CNTNAP2: variants seen among roughly 807,000 people sequenced by gnomAD.
CNTNAP2 encodes the protein contactin associated protein 2.
In CNTNAP2, 98 loss-of-function variants were observed where a neutral mutation model predicts 155.2. That is an observed-to-expected ratio of 0.63 (90% CI 0.54 to 0.75). CNTNAP2 has a LOEUF of 0.75. Among genes scored for constraint, CNTNAP2 ranks in the 30% least tolerant of loss-of-function variants. CNTNAP2 has a pLI of 0.00. For missense variants in CNTNAP2, 1,727 were observed against 1,688.1 expected, an observed-to-expected ratio of 1.02 and a Z score of -0.40; for synonymous variants, 651 against 631.2, an observed-to-expected ratio of 1.03 and a Z score of -0.47.
At position 148,386,782 on chromosome 7, in the gene CNTNAP2, G is replaced by T. The variant is rs899833566; in HGVS notation, c.3715+2894G>T. Among the ~76,000 whole-genome samples, 5 of 152,138 alleles carry T rather than the reference G, an allele frequency of 3.3e-5. No individual in the cohort carries two copies. The South Asian group carries it at 1.0e-3, about 31-fold the overall frequency. The stretch of plus-strand genomic sequence containing the variant: ...AAGCTGATAAAAGACAGATTAACAG[G>T]TGGGCAGGGGGACCTTATTTATATG... On this transcript the variant is annotated intron_variant, in intron 22 of 23. Coordinates refer to ENST00000361727, the MANE Select transcript of CNTNAP2 (RefSeq NM_014141.6).
chr7:148,382,978 G>T (rs1163823027), intron 21 of CNTNAP2, among the ~76,000 whole-genome samples: 1 of 152,228 alleles, frequency 6.6e-6, no homozygotes, highest in Non-Finnish European at 1.5e-5. Context: ...AGCTGAGTTA[G>T]TTTGGGAAGA....
At chr7:146,789,465 G>T (rs372667951) in intron 2 of CNTNAP2, among the ~76,000 whole-genome samples, 45 of 152,158 alleles carry the variant, frequency 3.0e-4, no homozygotes, top group African/African-American at 1.1e-3. Context: ...GAAAGTAAAA[G>T]AAGTTATTTT....
intron 8 of CNTNAP2, among the ~76,000 whole-genome samples, chr7:147,201,086 T>G (rs1485035257): frequency 6.6e-6 from 1 of 152,194 alleles, no homozygotes; most frequent in Non-Finnish European, 1.5e-5. Flanking sequence ...AAAGCCTAAT[T>G]CTAACATGAT....
chr7:147,250,967 T>C lies in CNTNAP2; in HGVS notation c.1349-49174T>C, dbSNP rs1584820137. Reference sequence around the variant, plus strand: ...GGTTGCTTTGTTCCTGTTTGTTTTATAGAGCTTTTCTTTATAGAGCACCCT... The same window carrying C: ...GGTTGCTTTGTTCCTGTTTGTTTTACAGAGCTTTTCTTTATAGAGCACCCT... On this transcript the variant is annotated intron_variant, in intron 8 of 23. Coordinates refer to ENST00000361727, the MANE Select transcript of CNTNAP2 (RefSeq NM_014141.6). Among the ~76,000 whole-genome samples the C allele has an allele frequency of 4.6e-5, 7 of 152,172 alleles. No individual in the cohort carries two copies. The South Asian group carries it at 1.4e-3, about 32-fold the overall frequency.
intron 1 of CNTNAP2, among the ~76,000 whole-genome samples, chr7:146,518,459 A>C (rs1393569740): frequency 2.0e-5 from 3 of 151,926 alleles, no homozygotes; most frequent in Admixed American, 6.6e-5. Context: ...CTAATTATTA[A>C]GTTTCATTCT....
intron 15 of CNTNAP2, among the ~76,000 whole-genome samples, chr7:148,079,544 T>C (rs2116544298): frequency 6.6e-6 from 1 of 152,286 alleles, no homozygotes; most frequent in South Asian, 2.1e-4. Flanking sequence ...GGTGCCAGAC[T>C]CAGTGAATTC....
intron 21 of CNTNAP2, among the ~76,000 whole-genome samples, chr7:148,325,216 A>G (rs1563042441): frequency 6.6e-6 from 1 of 152,222 alleles, no homozygotes; most frequent in Non-Finnish European, 1.5e-5. Context: ...CTTAAATACA[A>G]ATTTAAGCAT....
intron 2 of CNTNAP2, among the ~76,000 whole-genome samples, chr7:146,807,480 T>C (rs1802988518): frequency 6.6e-6 from 1 of 152,100 alleles, no homozygotes; most frequent in Non-Finnish European, 1.5e-5. Flanking sequence ...CACCTGGAAA[T>C]GAAACTGAGA....
chr7:147,697,456 G>A (rs1796178317), intron 13 of CNTNAP2, among the ~76,000 whole-genome samples: 1 of 151,946 alleles, frequency 6.6e-6, no homozygotes. Context: ...AAGTCATGAG[G>A]ATGATTTTCT....
intron 9 of CNTNAP2, among the ~76,000 whole-genome samples, chr7:147,354,948 G>C (rs1384004189): frequency 1.3e-5 from 2 of 151,876 alleles, no homozygotes; most frequent in East Asian, 3.9e-4. Context: ...GTCTATTATT[G>C]GTATATAGAA....
intron 13 of CNTNAP2, among the ~76,000 whole-genome samples, chr7:147,881,164 A>G (rs1799514369): frequency 1.3e-5 from 2 of 152,198 alleles, no homozygotes; most frequent in Non-Finnish European, 2.9e-5. Context: ...AATGAAAAGG[A>G]AGTTCCTGAG....
chr7:147,934,821 TCCTATTCACAATATGTGTAGTAC>T (rs1800575586), intron 14 of CNTNAP2, among the ~76,000 whole-genome samples: 1 of 152,176 alleles, frequency 6.6e-6, no homozygotes, highest in East Asian at 1.9e-4. Context: ...TTGTTTTACA[TCCTATTCACAATATGTGTAGTAC>T]CCTTTTCCCA....
chr7:146,347,914 T>C (rs963675744), intron 1 of CNTNAP2, among the ~76,000 whole-genome samples: 7 of 152,288 alleles, frequency 4.6e-5, no homozygotes, highest in African/African-American at 1.4e-4. Context: ...CAGGAAATTC[T>C]TTAAATGTGA....
chr7:146,338,496 A>C (rs1369655819), intron 1 of CNTNAP2, among the ~76,000 whole-genome samples: 1 of 152,096 alleles, frequency 6.6e-6, no homozygotes, highest in Non-Finnish European at 1.5e-5. Flanking sequence ...AGCCCATCTA[A>C]TTTTGGAAAA....
At chr7:146,559,069 G>T (rs1243841820) in intron 1 of CNTNAP2, among the ~76,000 whole-genome samples, 1 of 152,092 alleles carries the variant, frequency 6.6e-6, no homozygotes, top group African/African-American at 2.4e-5. Flanking sequence ...GTTTGAGTTG[G>T]GCAGGAGGAA....
chr7:148,135,704 C>T (rs1456502349), intron 16 of CNTNAP2, among the ~76,000 whole-genome samples: 2 of 150,968 alleles, frequency 1.3e-5, no homozygotes, highest in Admixed American at 1.3e-4. Context: ...GAAAAAATAG[C>T]TGGGTGTGGT....
intron 1 of CNTNAP2, among the ~76,000 whole-genome samples, chr7:146,249,185 CAG>C (rs1799717492): frequency 1.3e-5 from 2 of 152,246 alleles, no homozygotes; most frequent in South Asian, 4.1e-4. Context: ...GTGCAGGTCA[CAG>C]GGGATATGAT....
At chr7:147,898,141 G>T (rs894806272) in intron 13 of CNTNAP2, among the ~76,000 whole-genome samples, 1 of 152,160 alleles carries the variant, frequency 6.6e-6, no homozygotes, top group Non-Finnish European at 1.5e-5. Flanking sequence ...TCAACACACA[G>T]AAAAATCAAG....
intron 8 of CNTNAP2, among the ~76,000 whole-genome samples, chr7:147,244,421 C>T (rs868429570): frequency 1.8e-4 from 27 of 152,114 alleles, no homozygotes; most frequent in African/African-American, 6.3e-4. Context: ...TTTTTGTCTC[C>T]AAAATAGATA....
Sources: gnomAD v4.1 joint callset for allele counts (sites outside exome capture counted in the v4.1 genomes callset) on GRCh38, gnomAD v4.1.1 for gene constraint, MANE v1.5 for transcripts, NCBI Gene and HGNC (gene_info 2026-07-23, HGNC 2026-07-21) for gene names.